The following MARCHF6 variants were observed in gnomAD, a reference collection of about 807,000 sequenced individuals.
The protein encoded by MARCHF6 is membrane associated ring-CH-type finger 6.
MARCHF6 carries 31 observed loss-of-function variants against 133.7 expected under a neutral mutation model. That is an observed-to-expected ratio of 0.23 (90% CI 0.17 to 0.31). The LOEUF (loss-of-function observed/expected upper bound fraction) is 0.31, where lower values mean the gene tolerates loss of function less well. MARCHF6 is among the 10% of genes least tolerant of loss of function. The pLI is 1.00. For synonymous variants in MARCHF6, 395 were observed against 402.5 expected, an observed-to-expected ratio of 0.98 and a Z score of 0.22; for missense variants, 723 against 1,121.6, an observed-to-expected ratio of 0.64 and a Z score of 5.08.
chr5:10,402,189 A>C, intron 12 of MARCHF6, 50 bp downstream of exon 12: 1 of 1,265,732 alleles, frequency 7.9e-7, no homozygotes, highest in Non-Finnish European at 1.1e-6. Context: ...ATTCATACCA[A>C]AGAACTCTTC....
rs377014476 is a variant in MARCHF6, at chr5:10,396,511, A to C, written c.862-782A>C. Among the ~76,000 whole-genome samples, 10 of 152,284 alleles carry C rather than the reference A, an allele frequency of 6.6e-5. No homozygotes were observed. In the East Asian group the frequency reaches 1.9e-3, roughly 29 times the overall value. ...ACTAATTACCCTTCTTTCTGGTTGG[A>C]TTTGTGGAAGATTAGGGGACCTGAA... On this transcript the variant is annotated intron_variant, in intron 9 of 25. Transcript: ENST00000274140.
intron 9 of MARCHF6, among the ~76,000 whole-genome samples, chr5:10,396,659 T>G (rs1055838501): frequency 6.6e-6 from 1 of 152,126 alleles, no homozygotes; most frequent in African/African-American, 2.4e-5. Context: ...GCATGGGGCA[T>G]AGCTAAGGTG....
At chr5:10,413,875 GAC>G (rs963824662) in intron 19 of MARCHF6, among the ~76,000 whole-genome samples, 1 of 152,142 alleles carries the variant, frequency 6.6e-6, no homozygotes, top group African/African-American at 2.4e-5. Context: ...TTTGAGTGGG[GAC>G]ACAGTCACAC....
chr5:10,427,248 A>G (rs1740135333), intron 24 of MARCHF6, among the ~76,000 whole-genome samples: 1 of 152,122 alleles, frequency 6.6e-6, no homozygotes, highest in Admixed American at 6.5e-5. Flanking sequence ...CTCCTACCCT[A>G]ACTTTGGCAC....
At chr5:10,400,683 AT>A in intron 10 of MARCHF6, 100 bp from the exon 11 acceptor site, 1 of 850,182 alleles carries the variant, frequency 1.2e-6, no homozygotes, top group East Asian at 2.4e-5. Context: ...GGAATCTTTC[AT>A]TTCTCCAAGA....
rs146600888 is a variant in MARCHF6, at chr5:10,361,824, C to T, written c.19+7907C>T. Among the ~76,000 whole-genome samples, 14 of 151,938 alleles carry T rather than the reference C, an allele frequency of 9.2e-5. No individual in the cohort carries two copies. The East Asian group carries it at 2.1e-3, about 23-fold the overall frequency. On this transcript the variant is annotated intron_variant, in intron 1 of 25. Transcript: ENST00000274140. Reference sequence around the variant, plus strand: ...TGTTGCCTAGGCTGCAGTGCAATGGCGCGATCTCGGCTCATGGCAACCTCC... The same window carrying T: ...TGTTGCCTAGGCTGCAGTGCAATGGTGCGATCTCGGCTCATGGCAACCTCC...
intron 7 of MARCHF6, among the ~76,000 whole-genome samples, chr5:10,392,487 A>G (rs1482513221): frequency 6.6e-6 from 1 of 152,202 alleles, no homozygotes; most frequent in Non-Finnish European, 1.5e-5. Context: ...CTAGCAGTGT[A>G]AACTCTAGAA....
In MARCHF6 at chr5:10,353,724, C is replaced by CA. The variant is rs1735240291; in HGVS notation, c.-175_-174insA. 2 of 333,502 alleles carry CA rather than the reference C, an allele frequency of 6.0e-6. No individual in the cohort carries two copies. Among genetic ancestry groups the CA allele is most frequent in the South Asian group, 5.8e-5 (2 of 34,378 alleles). 20.7% of individuals were successfully genotyped at this position (333,502 alleles called of 1,614,324 possible). On this transcript the variant is annotated 5_prime_UTR_variant, in exon 1 of 26. Transcript: ENST00000274140. ...CCGCCCCTCCCCCTCCCGTGTCGCT[C>CA]GCTTTCTGTCAGCCTCTCTCCCTCT... is the stretch of plus-strand genomic sequence containing the variant.
chr5:10,388,349 A>G (rs893161308), intron 5 of MARCHF6, among the ~76,000 whole-genome samples: 2 of 152,180 alleles, frequency 1.3e-5, no homozygotes, highest in African/African-American at 4.8e-5. Context: ...TACACTCTCT[A>G]TAGAATTTTT....
chr5:10,421,250 A>G (rs573452397), intron 22 of MARCHF6, among the ~76,000 whole-genome samples: 2 of 152,336 alleles, frequency 1.3e-5, no homozygotes, highest in African/African-American at 4.8e-5. Context: ...ATCATTTTTT[A>G]TAGCAAAAAA....
At chr5:10,405,484 T>C in intron 15 of MARCHF6, 74 bp from the exon 16 acceptor site, 1 of 1,261,908 alleles carries the variant, frequency 7.9e-7, no homozygotes. Context: ...CTTATCTTTC[T>C]GTTAATGTTT....
chr5:10,432,365 C>G (rs1218106872), intron 25 of MARCHF6, among the ~76,000 whole-genome samples: 1 of 152,212 alleles, frequency 6.6e-6, no homozygotes, highest in East Asian at 1.9e-4. Context: ...CTGTCATGTG[C>G]AGGTTTCACT....
At chr5:10,417,543 C>T (rs1579609848) in intron 22 of MARCHF6, 139 bp downstream of exon 22, 4 of 1,052,396 alleles carry the variant, frequency 3.8e-6, no homozygotes, top group East Asian at 4.9e-5. Flanking sequence ...CCCAGGAGTT[C>T]GAGACCAGCC....
intron 9 of MARCHF6, 146 bp downstream of exon 9, chr5:10,394,931 C>G (rs1738093485): frequency 1.8e-6 from 1 of 553,176 alleles, no homozygotes; most frequent in Non-Finnish European, 3.2e-6. Flanking sequence ...TTCCAGGTAG[C>G]TGGGACTACA....
In MARCHF6 at chr5:10,405,735, T is replaced by G. The variant is rs1487098076; in HGVS notation, c.1452+58T>G. On this transcript the variant is annotated intron_variant, in intron 16 of 25. Coordinates refer to ENST00000274140, the MANE Select transcript of MARCHF6 (RefSeq NM_005885.4). Reference sequence around the variant, plus strand: ...GAATTAATTGTGCTAACCTATAGTTTTGTTTAGGTTTTTTTTTCCAGTTCT... The same window carrying G: ...GAATTAATTGTGCTAACCTATAGTTGTGTTTAGGTTTTTTTTTCCAGTTCT... 2.0e-6 allele frequency: 3 copies of G among 1,497,496 alleles called. No individual in the cohort carries two copies. The African/African-American group carries it at 4.3e-5, about 21-fold the overall frequency. The allele number at this position is 1,497,496 out of a possible 1,614,324, so 92.8% of individuals were successfully genotyped here. A position where few individuals can be genotyped will look rare whatever the true frequency, so the allele number is the denominator to read the frequency against.
At chr5:10,423,939 T>G (rs878891346) in intron 23 of MARCHF6, 115 bp downstream of exon 23, 2 of 642,460 alleles carry the variant, frequency 3.1e-6, no homozygotes, top group East Asian at 3.1e-5. Flanking sequence ...ACATTTTTTT[T>G]GATGGGCATA....
At chr5:10,354,940 A>ATT (rs112088802) in intron 1 of MARCHF6, among the ~76,000 whole-genome samples, 1 of 151,646 alleles carries the variant, frequency 6.6e-6, no homozygotes. Context: ...ATAACGACTT[A>ATT]TTTTTTTTTA....
chr5:10,402,355 C>G (rs1173453643), intron 12 of MARCHF6, 29 bp from the exon 13 acceptor site: 1 of 1,590,364 alleles, frequency 6.3e-7, no homozygotes, highest in African/African-American at 1.3e-5. Context: ...CCTTTAAATA[C>G]TCAGTTTTTC....
At chr5:10,362,171 C>T (rs913384982) in intron 1 of MARCHF6, among the ~76,000 whole-genome samples, 11 of 152,208 alleles carry the variant, frequency 7.2e-5, no homozygotes, top group African/African-American at 2.2e-4. Flanking sequence ...CACAAATTTA[C>T]CCTGTTTAGG....
Sources: gnomAD v4.1 joint callset for allele counts (sites outside exome capture counted in the v4.1 genomes callset) on GRCh38, gnomAD v4.1.1 for gene constraint, MANE v1.5 for transcripts, NCBI Gene and HGNC (gene_info 2026-07-23, HGNC 2026-07-21) for gene names.